Variants in TULP4 observed in about 807,000 individuals in gnomAD.
TULP4 encodes TUB like protein 4.
A neutral mutation model predicts 129.0 loss-of-function variants in TULP4; 16 were observed. The ratio of observed to expected loss-of-function variants is 0.12; its 90% CI spans 0.08 to 0.19. The LOEUF (loss-of-function observed/expected upper bound fraction) is 0.19, where lower values mean the gene tolerates loss of function less well. TULP4 is among the 10% of genes least tolerant of loss of function. TULP4 has a pLI of 1.00. For synonymous variants in TULP4, 998 were observed against 854.0 expected, an observed-to-expected ratio of 1.17 and a Z score of -2.94; for missense variants, 1,842 against 2,059.1, an observed-to-expected ratio of 0.89 and a Z score of 2.04.
intron 1 of TULP4, among the ~76,000 whole-genome samples, chr6:158,257,362 G>A (rs1292518249): frequency 6.6e-6 from 1 of 152,088 alleles, no homozygotes; most frequent in Admixed American, 6.6e-5. Flanking sequence ...GCAATGGAGG[G>A]AATTCAGTCT....
intron 8 of TULP4, among the ~76,000 whole-genome samples, chr6:158,488,407 C>T (rs78170934): frequency 3.3e-5 from 5 of 152,258 alleles, no homozygotes; most frequent in Middle Eastern, 3.4e-3. Context: ...CTGTGGCTTT[C>T]GCTGGGTCCA....
rs113914160 is a variant in TULP4, at chr6:158,246,023, G to GGGGGT, written n.68+13721_68+13722insGGGTG. Among the ~76,000 whole-genome samples the GGGGGT allele has an allele frequency of 1.6e-3, 230 of 145,920 alleles. 3 individuals are homozygous for GGGGGT. The highest frequency in any genetic ancestry group is 4.7e-3 in the Admixed American group (68 of 14,556). ...GTGAGTAATTTGCCTACCCCTTAGG[G>GGGGGT]GTGTGTGTGTGTGTGTGTGTGTGTG... On this transcript the variant is annotated intron_variant and non_coding_transcript_variant, in intron 1 of 1. Coordinates refer to the TULP4 transcript ENST00000620026.
chr6:158,405,715 A>G (rs187827441), intron 1 of TULP4, among the ~76,000 whole-genome samples: 10 of 152,224 alleles, frequency 6.6e-5, no homozygotes, highest in Non-Finnish European at 1.2e-4. Flanking sequence ...GCGTCAGGGT[A>G]GCCTTCCACC....
chr6:158,502,424 A>C lies in TULP4; in HGVS notation c.2761A>C (p.Ser921Arg), dbSNP rs1490902040. 1 of 1,613,104 alleles carries C rather than the reference A, an allele frequency of 6.2e-7. No individual in the cohort carries two copies. Among genetic ancestry groups the C allele is most frequent in the South Asian group, 1.1e-5 (1 of 91,032 alleles). Reference protein sequence around the residue: ...QNTYTLPGPGSSATLRLTATE... With the variant: ...QNTYTLPGPGRSATLRLTATE... ...CACGTACACCCTCCCCGGCCCGGGT[A>C]GCTCTGCCACCTTGAGGCTCACGGC... Residue 921 changes from serine (S) to arginine (R), a missense_variant, in exon 13 of 14, where the codon AGC becomes CGC. Ser to Arg is a moderately radical substitution (Grantham distance 110). Transcript: ENST00000367097.
At chr6:158,239,555 C>T (rs1777810140) in intron 1 of TULP4, among the ~76,000 whole-genome samples, 1 of 58,074 alleles carries the variant, frequency 1.7e-5, no homozygotes, top group Non-Finnish European at 3.8e-5. Context: ...GCGCCCCTCA[C>T]CTCCCGGACG....
chr6:158,270,551 G>A (rs573687943), intron 1 of TULP4, among the ~76,000 whole-genome samples: 1 of 152,290 alleles, frequency 6.6e-6, no homozygotes, highest in Admixed American at 6.5e-5. Context: ...CTCTGGTACC[G>A]GGGCCGGTGA....
chr6:158,314,138 A>G lies in TULP4; in HGVS notation c.122A>G (p.Tyr41Cys), dbSNP rs762874370. ...KEKPVCRRRY[Y>C]EEGWLATGNG... Reference sequence around the variant, plus strand: ...AAGCCTGTGTGCAGGAGACGCTACTATGAGGAAGGCTGGCTGGCCACGGGC... The same window carrying G: ...AAGCCTGTGTGCAGGAGACGCTACTGTGAGGAAGGCTGGCTGGCCACGGGC... The change falls in exon 1 of 14, where the codon TAT (tyrosine) becomes TGT (cysteine). Residue 41 changes from tyrosine to cysteine, a missense_variant. This residue lies in a region of TULP4 where 151 missense variants were observed against 268.7 expected (regional missense o/e 0.56). Coordinates refer to ENST00000367097, the MANE Select transcript of TULP4 (RefSeq NM_020245.5). The G allele has an allele frequency of 7.4e-6, 12 of 1,614,156 alleles. No homozygotes were observed. The highest frequency in any genetic ancestry group is 2.2e-5 in the East Asian group (1 of 44,884).
intron 1 of TULP4, among the ~76,000 whole-genome samples, chr6:158,337,278 C>T (rs759010422): frequency 5.3e-5 from 8 of 151,686 alleles, no homozygotes; most frequent in Non-Finnish European, 1.0e-4. Context: ...TACAGGTGCA[C>T]ACCACCATGC....
intron 1 of TULP4, among the ~76,000 whole-genome samples, chr6:158,343,360 CAAATGCAACG>C (rs928490346): frequency 6.6e-6 from 1 of 152,134 alleles, no homozygotes; most frequent in African/African-American, 2.4e-5. Flanking sequence ...CTAACCAAGC[CAAATGCAACG>C]GAAGGTAATG....
At chr6:158,490,091 C>G (rs915829760) in intron 9 of TULP4, among the ~76,000 whole-genome samples, 10 of 152,066 alleles carry the variant, frequency 6.6e-5, no homozygotes, top group African/African-American at 2.4e-5. Context: ...GAAGAGAATG[C>G]CAGATAAGAT....
At chr6:158,485,864 A>G (rs1780053377) in intron 8 of TULP4, among the ~76,000 whole-genome samples, 1 of 152,230 alleles carries the variant, frequency 6.6e-6, no homozygotes, top group Non-Finnish European at 1.5e-5. Flanking sequence ...GGGAATGTCT[A>G]TTCTATGCCT....
chr6:158,347,699 T>C (rs1173844771), intron 1 of TULP4, among the ~76,000 whole-genome samples: 1 of 152,236 alleles, frequency 6.6e-6, no homozygotes, highest in Non-Finnish European at 1.5e-5. Flanking sequence ...AGGCCCTTAG[T>C]GCCAGCTGTC....
intron 1 of TULP4, among the ~76,000 whole-genome samples, chr6:158,370,141 G>A (rs576789496): frequency 1.2e-3 from 179 of 152,284 alleles, no homozygotes; most frequent in Non-Finnish European, 1.9e-3. Context: ...GAGCCCTGGA[G>A]GTCGAGGCTG....
intron 3 of TULP4, among the ~76,000 whole-genome samples, chr6:158,435,008 G>T (rs746586336): frequency 1.1e-4 from 17 of 152,202 alleles, no homozygotes; most frequent in Non-Finnish European, 1.6e-4. Flanking sequence ...CTCTGCTGTG[G>T]GAGACAACGG....
chr6:158,276,144 G>GT (rs1778641766), intron 1 of TULP4, among the ~76,000 whole-genome samples: 1 of 151,568 alleles, frequency 6.6e-6, no homozygotes, highest in African/African-American at 2.4e-5. Flanking sequence ...TAGTTTTTGT[G>GT]TTTTTAGTAG....
At chr6:158,415,611 C>G (rs990821107) in intron 2 of TULP4, among the ~76,000 whole-genome samples, 4 of 150,768 alleles carry the variant, frequency 2.7e-5, no homozygotes, top group Non-Finnish European at 5.9e-5. Context: ...CCACCCGCGT[C>G]AGCCTCCCAA....
intron 3 of TULP4, among the ~76,000 whole-genome samples, chr6:158,444,248 T>A (rs1158538358): frequency 3.9e-5 from 4 of 103,442 alleles, no homozygotes; most frequent in Non-Finnish European, 6.5e-5. Context: ...AAAAAAAAAT[T>A]TTTTTTTTTT....
chr6:158,346,030 C>T (rs1266906190), intron 1 of TULP4, among the ~76,000 whole-genome samples: 2 of 152,218 alleles, frequency 1.3e-5, no homozygotes, highest in African/African-American at 2.4e-5. Flanking sequence ...TTTATAGGCT[C>T]TCTTCAAGAA....
chr6:158,310,927 C>T (rs975705698), upstream of TULP4, among the ~76,000 whole-genome samples: 5 of 151,944 alleles, frequency 3.3e-5, no homozygotes, highest in Non-Finnish European at 7.4e-5. Context: ...ATTTTTACTG[C>T]CGTATCAAAG....
Sources: gnomAD v4.1 joint callset for allele counts (sites outside exome capture counted in the v4.1 genomes callset) on GRCh38, gnomAD v4.1.1 for gene constraint, gnomAD v4.1.1 regional missense constraint, MANE v1.5 for transcripts, NCBI Gene and HGNC (gene_info 2026-07-23, HGNC 2026-07-21) for gene names.